Variants in TENM3 observed in about 807,000 individuals in gnomAD.
TENM3 encodes the protein teneurin transmembrane protein 3, also known as teneurin-3.
TENM3 carries 63 observed loss-of-function variants against 255.1 expected under a neutral mutation model. The ratio of observed to expected loss-of-function variants is 0.25; its 90% CI spans 0.20 to 0.30. The LOEUF (loss-of-function observed/expected upper bound fraction) is 0.30, where lower values mean the gene tolerates loss of function less well. TENM3 is among the 10% of genes least tolerant of loss of function. TENM3 has a pLI of 1.00. For missense variants in TENM3, 2,929 were observed against 3,461.1 expected (o/e 0.85, Z 3.86); for synonymous variants, 1,306 against 1,322.3 (o/e 0.99, Z 0.27).
the TENM3 span, among the ~76,000 whole-genome samples, chr4:181,751,987 C>T: frequency 7.9e-5 from 12 of 152,322 alleles, no homozygotes; most frequent in South Asian, 2.3e-3. Flanking sequence ...TGATTCTTAT[C>T]TCCTGTTTCC....
At chr4:181,529,999 T>A in the TENM3 span, among the ~76,000 whole-genome samples, 2 of 152,344 alleles carry the variant, frequency 1.3e-5, no homozygotes, top group Admixed American at 6.5e-5. Context: ...CAGGAGCGTT[T>A]GGAAATCATA....
the TENM3 span, among the ~76,000 whole-genome samples, chr4:181,697,497 G>A: frequency 1.3e-5 from 2 of 152,088 alleles, no homozygotes; most frequent in African/African-American, 2.4e-5. Flanking sequence ...AGGTTCAAGC[G>A]ATTCTTCTGC....
chr4:182,257,999 C>A (rs1263078837), intron 1 of TENM3, among the ~76,000 whole-genome samples: 1 of 151,834 alleles, frequency 6.6e-6, no homozygotes, highest in African/African-American at 2.4e-5. Flanking sequence ...GAAAAATATT[C>A]TCAGAATTCA....
the TENM3 span, among the ~76,000 whole-genome samples, chr4:182,054,939 A>G: frequency 6.6e-6 from 1 of 152,204 alleles, no homozygotes; most frequent in Non-Finnish European, 1.5e-5. Context: ...TTCCAGAACC[A>G]GAGCTCGGAG....
At chr4:182,756,742 CAG>C (rs1401188529) in intron 22 of TENM3, among the ~76,000 whole-genome samples, 3 of 152,248 alleles carry the variant, frequency 2.0e-5, no homozygotes, top group South Asian at 2.1e-4. Flanking sequence ...TCTTTTTTGA[CAG>C]ATTCCCTTTT....
At chr4:181,472,567 C>G in the TENM3 span, among the ~76,000 whole-genome samples, 1 of 151,978 alleles carries the variant, frequency 6.6e-6, no homozygotes. Context: ...CTTCTGGATG[C>G]TGGGCAAGGG....
the TENM3 span, among the ~76,000 whole-genome samples, chr4:181,730,659 A>G: frequency 6.6e-6 from 1 of 152,148 alleles, no homozygotes; most frequent in African/African-American, 2.4e-5. Context: ...ATAATTTCTC[A>G]GGATTGATAG....
chr4:181,540,276 A>G, the TENM3 span, among the ~76,000 whole-genome samples: 2 of 152,198 alleles, frequency 1.3e-5, no homozygotes, highest in Non-Finnish European at 2.9e-5. Context: ...AATAACAAAA[A>G]TAACGGGCCA....
chr4:181,977,216 G>A, the TENM3 span, among the ~76,000 whole-genome samples: 10 of 151,830 alleles, frequency 6.6e-5, no homozygotes, highest in African/African-American at 2.2e-4. Flanking sequence ...CCATAGGATC[G>A]TTAAAAGGAT....
At chr4:182,541,016 A>G (rs1224075747) in intron 3 of TENM3, among the ~76,000 whole-genome samples, 2 of 152,192 alleles carry the variant, frequency 1.3e-5, no homozygotes, top group Non-Finnish European at 2.9e-5. Context: ...CACTTTCATT[A>G]TATTACTAAG....
the TENM3 span, among the ~76,000 whole-genome samples, chr4:181,828,385 T>A: frequency 1.3e-5 from 2 of 152,224 alleles, no homozygotes; most frequent in South Asian, 4.1e-4. Flanking sequence ...CTTTCAATAC[T>A]AGTGGCATTT....
chr4:181,467,082 TGC>T, the TENM3 span, among the ~76,000 whole-genome samples: 799 of 32,412 alleles, frequency 0.025, 17 homozygotes, highest in Admixed American at 0.035. Context: ...TGTGTGTGTG[TGC>T]GTGTGTGTGT....
intron 3 of TENM3, among the ~76,000 whole-genome samples, chr4:182,514,476 G>A (rs1195302969): frequency 6.6e-6 from 1 of 152,194 alleles, no homozygotes; most frequent in Non-Finnish European, 1.5e-5. Context: ...TATCTAGTGA[G>A]CAGTTATGAA....
the TENM3 span, among the ~76,000 whole-genome samples, chr4:181,619,617 C>CG: frequency 9.9e-5 from 15 of 151,830 alleles, no homozygotes; most frequent in Admixed American, 2.6e-4. Flanking sequence ...TTTGTAGAGA[C>CG]GGGGTCTCAC....
chr4:182,036,484 C>A, the TENM3 span, among the ~76,000 whole-genome samples: 1 of 152,198 alleles, frequency 6.6e-6, no homozygotes, highest in Non-Finnish European at 1.5e-5. Flanking sequence ...AACCACCGCA[C>A]CCGGCCGATA....
the TENM3 span, among the ~76,000 whole-genome samples, chr4:181,953,491 C>T: frequency 6.6e-6 from 1 of 152,032 alleles, no homozygotes; most frequent in Admixed American, 6.6e-5. Context: ...ATGGATACAG[C>T]AAAATGGCAA....
the TENM3 span, among the ~76,000 whole-genome samples, chr4:182,117,778 T>A: frequency 6.6e-6 from 1 of 152,176 alleles, no homozygotes; most frequent in Admixed American, 6.5e-5. Context: ...GATATTTTTT[T>A]CCATATAAAC....
the TENM3 span, among the ~76,000 whole-genome samples, chr4:181,596,455 G>C: frequency 6.6e-6 from 1 of 152,238 alleles, no homozygotes; most frequent in African/African-American, 2.4e-5. Context: ...GCCACAACAA[G>C]GAGAAGTTGA....
In TENM3 at chr4:182,688,214, C is replaced by T. The variant is rs189502887; in HGVS notation, c.2084C>T (p.Thr695Met). 2,342 of 1,613,750 alleles carry T rather than the reference C, an allele frequency of 1.5e-3. 9 individuals carry two copies. The highest frequency in any genetic ancestry group is 1.2e-3 in the Non-Finnish European group (1,422 of 1,179,814). The change falls in exon 12 of 28, where the codon ACG becomes ATG. Residue 695 changes from threonine (T) to methionine (M), a missense_variant. Around this residue, in one of 6 missense-constraint regions of TENM3, gnomAD observed 1,608 missense variants for 1,884.4 expected, o/e 0.85. Transcript: ENST00000511685. The stretch of plus-strand genomic sequence containing the variant: ...TCACACGGCGTTTGCATGGGGGGGA[C>T]GTGTCGCTGTGAAGAAGGCTGGACG... The part of the protein sequence containing the change: ...CGSHGVCMGG[T>M]CRCEEGWTGP...
Sources: allele counts gnomAD v4.1 joint callset (sites outside exome capture counted in the v4.1 genomes callset), GRCh38; gene constraint gnomAD v4.1.1; regional missense constraint gnomAD v4.1.1; transcripts MANE v1.5; gene names NCBI Gene and HGNC (gene_info 2026-07-23, HGNC 2026-07-21).